The following NRN1 variants were observed in gnomAD, a reference collection of about 807,000 sequenced individuals.
The protein encoded by NRN1 is neuritin.
Under a neutral mutation model 15.0 loss-of-function variants are expected in NRN1, and 4 were observed. The observed-to-expected ratio is 0.27, with a 90% CI of 0.13 to 0.61. The LOEUF (loss-of-function observed/expected upper bound fraction) is 0.61. NRN1 is among the 20% of genes least tolerant of loss of function. The probability of loss-of-function intolerance (pLI) is 0.87; values close to 1 mark genes in which losing one functional copy is unlikely to be tolerated. For synonymous variants in NRN1, 85 were observed against 79.8 expected, an observed-to-expected ratio of 1.07 and a Z score of -0.35; for missense variants, 134 against 181.9, an observed-to-expected ratio of 0.74 and a Z score of 1.51.
At chr6:6,000,031 G>T (rs1229637859) in intron 2 of NRN1, among the ~76,000 whole-genome samples, 8 of 152,204 alleles carry the variant, frequency 5.3e-5, no homozygotes, top group Non-Finnish European at 1.2e-4. Context: ...AGGCCTGCGC[G>T]TTGGGTCCCT....
At position 5,998,912 on chromosome 6, in the gene NRN1, C is replaced by T. The variant is rs1757844234; in HGVS notation, c.*64G>A. 1.7e-6 allele frequency: 2 copies of T among 1,167,466 alleles called. No individual in the cohort carries two copies. The highest frequency in any genetic ancestry group is 2.6e-5 in the South Asian group (2 of 76,170). The allele number at this position is 1,167,466 out of a possible 1,614,324, so 72.3% of individuals were successfully genotyped here. A position where few individuals can be genotyped will look rare whatever the true frequency, so the allele number is the denominator to read the frequency against. ...CGTCCCCAAAGAACTAATGGATCTT[C>T]CTCTCGATTTCCGGGAGCATGGAGT... On this transcript the variant is annotated 3_prime_UTR_variant, in exon 3 of 3. Transcript: ENST00000244766.
upstream of NRN1, among the ~76,000 whole-genome samples, chr6:6,007,335 C>A (rs189798880): frequency 2.0e-5 from 3 of 152,010 alleles, no homozygotes; most frequent in African/African-American, 7.2e-5. Flanking sequence ...ATTGTTTCAA[C>A]CTGCTCCCCC....
intron 2 of NRN1, 87 bp from the exon 3 acceptor site, chr6:5,999,291 TGGCGGCCCCGCC>T (rs1445388391): frequency 2.5e-6 from 3 of 1,200,634 alleles, no homozygotes; most frequent in Admixed American, 1.9e-5. Flanking sequence ...GCCTCCCCGC[TGGCGGCCCCGCC>T]AACTTCCCGG....
At chr6:6,000,111 GAT>G (rs1757900607) in intron 2 of NRN1, among the ~76,000 whole-genome samples, 2 of 152,298 alleles carry the variant, frequency 1.3e-5, no homozygotes, top group Middle Eastern at 3.4e-3. Context: ...CAGCTTTCAG[GAT>G]GTAGCGCCAG....
At chr6:6,002,909 C>T (rs1252902587) in intron 1 of NRN1, 3 of 383,982 alleles carry the variant, frequency 7.8e-6, no homozygotes, top group African/African-American at 4.1e-5. Flanking sequence ...TCACAGCTCT[C>T]GCAATGCGAT....
chr6:6,006,750 C>T lies in NRN1; in HGVS notation c.-1G>A, dbSNP rs759552619. ...ATCTGCCGTTCAACTTAAGTCCCAT[C>T]CTACGTTTAGTCAAACCATTTGCGA... On this transcript the variant is annotated 5_prime_UTR_variant, in exon 1 of 3. Coordinates refer to ENST00000244766, the MANE Select transcript of NRN1 (RefSeq NM_016588.3). 19 of 1,614,096 alleles carry T rather than the reference C, an allele frequency of 1.2e-5. No individual in the cohort carries two copies. The South Asian group carries it at 2.0e-4, about 17-fold the overall frequency.
intron 1 of NRN1, 40 bp from the exon 2 acceptor site, chr6:6,002,537 C>A (rs576210779): frequency 1.5e-4 from 239 of 1,594,814 alleles, no homozygotes; most frequent in Non-Finnish European, 2.0e-4. Flanking sequence ...GCGCCACGAC[C>A]CCGCCCTGCC....
intron 1 of NRN1, among the ~76,000 whole-genome samples, chr6:6,004,674 C>G (rs1221296961): frequency 6.6e-6 from 1 of 152,182 alleles, no homozygotes; most frequent in Non-Finnish European, 1.5e-5. Flanking sequence ...CGGGAGGCTG[C>G]GCGCGGGACG....
In NRN1 at chr6:5,998,683, A is replaced by C; in HGVS notation, c.*293T>G. ...CAACAAAAAAAATTAATAATAATAA[A>C]ATTAAAAAATGGGGTGGGTTTGCCG... On this transcript the variant is annotated 3_prime_UTR_variant, in exon 3 of 3. Transcript: ENST00000244766. 2 of 259,930 alleles carry C rather than the reference A, an allele frequency of 7.7e-6. No individual in the cohort carries two copies. The highest frequency in any genetic ancestry group is 7.2e-6 in the Non-Finnish European group (1 of 138,466). 16.1% of individuals were successfully genotyped at this position (259,930 alleles called of 1,614,324 possible).
chr6:6,003,724 T>A, intron 1 of NRN1: 2 of 1,234,262 alleles, frequency 1.6e-6, no homozygotes, highest in Non-Finnish European at 2.0e-6. Context: ...CGCGCGGCTG[T>A]GGCCATCTCT....
At chr6:6,006,172 C>T (rs538570222) in intron 1 of NRN1, among the ~76,000 whole-genome samples, 1 of 152,022 alleles carries the variant, frequency 6.6e-6, no homozygotes, top group Non-Finnish European at 1.5e-5. Flanking sequence ...CTGCGGTGCC[C>T]GTGCAAACGC....
intron 2 of NRN1, among the ~76,000 whole-genome samples, chr6:6,000,259 T>A (rs1582990654): frequency 6.6e-6 from 1 of 152,296 alleles, no homozygotes; most frequent in East Asian, 1.9e-4. Flanking sequence ...CCTCCCAGGC[T>A]CAGCTCCTAG....
intron 1 of NRN1, chr6:6,003,316 G>T: frequency 1.8e-6 from 2 of 1,137,244 alleles, no homozygotes; most frequent in Non-Finnish European, 2.2e-6. Context: ...TCACGGATGA[G>T]TCTGCCTGGG....
chr6:6,001,313 G>A (rs1374474865), intron 2 of NRN1, among the ~76,000 whole-genome samples: 1 of 152,180 alleles, frequency 6.6e-6, no homozygotes, highest in Non-Finnish European at 1.5e-5. Flanking sequence ...AGGGAATAAG[G>A]GGCACAACCT....
At chr6:5,999,947 C>G (rs1319967090) in intron 2 of NRN1, among the ~76,000 whole-genome samples, 2 of 152,142 alleles carry the variant, frequency 1.3e-5, no homozygotes, top group South Asian at 4.1e-4. Flanking sequence ...TCCCCGGGGT[C>G]GGTGAGTGTT....
rs1449290065 is a variant in NRN1 at position 5,998,812 on chromosome 6, C to A, written c.*164G>T. ...ATTTGGCAAATAAAACACAAGAAAT[C>A]AAACGAAATAAAAAAGAGAATCAGG... is the stretch of plus-strand genomic sequence containing the variant. On this transcript the variant is annotated 3_prime_UTR_variant, in exon 3 of 3. Coordinates refer to ENST00000244766, the MANE Select transcript of NRN1 (RefSeq NM_016588.3). The A allele has an allele frequency of 3.2e-6, 2 of 627,514 alleles. No individual in the cohort carries two copies. Among genetic ancestry groups the A allele is most frequent in the Non-Finnish European group, 2.7e-6 (1 of 364,100 alleles). 38.9% of individuals were successfully genotyped at this position (627,514 alleles called of 1,614,324 possible).
In NRN1 at chr6:6,006,830, G is replaced by A; in HGVS notation, c.-81C>T. Reference sequence around the variant, plus strand: ...AACGCGGGGGAAAGCCAAAAAATAGGCATTGCCAACAAGTTCCGGGAGCGA... The same window carrying A: ...AACGCGGGGGAAAGCCAAAAAATAGACATTGCCAACAAGTTCCGGGAGCGA... On this transcript the variant is annotated 5_prime_UTR_variant, in exon 1 of 3. Transcript: ENST00000244766. 7.6e-7 allele frequency: 1 copy of A among 1,310,176 alleles called. No individual in the cohort carries two copies. The highest frequency in any genetic ancestry group is 1.2e-5 in the South Asian group (1 of 84,824). The allele number at this position is 1,310,176 out of a possible 1,614,324, so 81.2% of individuals were successfully genotyped here. A position where few individuals can be genotyped will look rare whatever the true frequency, so the allele number is the denominator to read the frequency against.
intron 2 of NRN1, among the ~76,000 whole-genome samples, chr6:6,000,717 T>C (rs1757918970): frequency 7.2e-6 from 1 of 138,184 alleles, no homozygotes. Context: ...GATGCCTAAA[T>C]TGCTCTTTTT....
At chr6:6,005,713 G>C (rs1161449518) in intron 1 of NRN1, among the ~76,000 whole-genome samples, 1 of 152,130 alleles carries the variant, frequency 6.6e-6, no homozygotes, top group Non-Finnish European at 1.5e-5. Flanking sequence ...TTTCCCCCGT[G>C]TTGTCCATTC....
Sources: gnomAD v4.1 joint callset for allele counts (sites outside exome capture counted in the v4.1 genomes callset) on GRCh38, gnomAD v4.1.1 for gene constraint, MANE v1.5 for transcripts, NCBI Gene and HGNC (gene_info 2026-07-23, HGNC 2026-07-21) for gene names.